Variants in NAALADL2 observed in about 807,000 individuals in gnomAD.
NAALADL2 encodes the protein inactive N-acetylated-alpha-linked acidic dipeptidase-like protein 2.
NAALADL2 carries 76 observed loss-of-function variants against 87.2 expected under a neutral mutation model. The observed-to-expected ratio is 0.87, with a 90% CI of 0.72 to 1.05. NAALADL2 has a LOEUF of 1.05. Among genes scored for constraint, NAALADL2 ranks in the 50% least tolerant of loss-of-function variants. The pLI, the probability that NAALADL2 is intolerant of heterozygous loss-of-function variation, is 0.00. For missense variants in NAALADL2, 1,089 were observed against 945.8 expected, an observed-to-expected ratio of 1.15 and a Z score of -1.99; for synonymous variants, 354 against 331.0, an observed-to-expected ratio of 1.07 and a Z score of -0.75.
chr3:175,070,725 GTGAATTACTTTGAA>G (rs1443457392), intron 1 of NAALADL2, among the ~76,000 whole-genome samples: 1 of 151,974 alleles, frequency 6.6e-6, no homozygotes, highest in Non-Finnish European at 1.5e-5. Flanking sequence ...AGAAAGCATG[GTGAATTACTTTGAA>G]TGAATTGCTT....
At chr3:175,428,952 T>C (rs1006182724) in intron 5 of NAALADL2, among the ~76,000 whole-genome samples, 2 of 152,064 alleles carry the variant, frequency 1.3e-5, no homozygotes, top group Non-Finnish European at 2.9e-5. Context: ...CAGTTTTGAT[T>C]GCTTGTGGTT....
intron 1 of NAALADL2, among the ~76,000 whole-genome samples, chr3:174,994,542 T>A (rs1322466531): frequency 6.6e-6 from 1 of 152,296 alleles, no homozygotes; most frequent in African/African-American, 2.4e-5. Context: ...CACTTAAATT[T>A]CCAAATTTTA....
At chr3:175,163,629 A>G (rs753962170) in intron 2 of NAALADL2, among the ~76,000 whole-genome samples, 1 of 152,142 alleles carries the variant, frequency 6.6e-6, no homozygotes, top group Non-Finnish European at 1.5e-5. Context: ...ACAACTATTC[A>G]TACATGACTA....
chr3:174,463,389 C>T (rs2108295742), intron 1 of NAALADL2, among the ~76,000 whole-genome samples: 1 of 152,194 alleles, frequency 6.6e-6, no homozygotes, highest in East Asian at 1.9e-4. Context: ...CCTTTATAGT[C>T]AAGCTTCACA....
At chr3:174,690,280 A>G (rs1160392705) in intron 2 of NAALADL2, among the ~76,000 whole-genome samples, 1 of 152,168 alleles carries the variant, frequency 6.6e-6, no homozygotes, top group African/African-American at 2.4e-5. Context: ...TTATTTTCCA[A>G]TGTATGATTT....
intron 2 of NAALADL2, among the ~76,000 whole-genome samples, chr3:174,611,591 G>A (rs535556419): frequency 1.8e-3 from 275 of 151,856 alleles, no homozygotes; most frequent in Non-Finnish European, 3.1e-3. Context: ...TTTCTTTTTT[G>A]TTTTCTTTTT....
At chr3:174,624,638 A>G (rs1721374961) in intron 2 of NAALADL2, among the ~76,000 whole-genome samples, 1 of 145,954 alleles carries the variant, frequency 6.9e-6, no homozygotes, top group Non-Finnish European at 1.5e-5. Flanking sequence ...AAAAAAAAAA[A>G]GTTGGCATCA....
intron 1 of NAALADL2, among the ~76,000 whole-genome samples, chr3:174,444,667 G>T (rs1051843047): frequency 4.6e-5 from 7 of 152,106 alleles, no homozygotes; most frequent in African/African-American, 1.7e-4. Context: ...CTACAGTAAC[G>T]TTCTAAGAAT....
chr3:175,210,609 G>T (rs1383661043), intron 2 of NAALADL2, among the ~76,000 whole-genome samples: 1 of 151,320 alleles, frequency 6.6e-6, no homozygotes, highest in Non-Finnish European at 1.5e-5. Flanking sequence ...GATGTGGTAG[G>T]CAGGAGGAAG....
chr3:174,720,444 A>T (rs1042814070), intron 2 of NAALADL2, among the ~76,000 whole-genome samples: 1 of 152,144 alleles, frequency 6.6e-6, no homozygotes, highest in Admixed American at 6.5e-5. Flanking sequence ...AGCTATATAG[A>T]GAGATATAGC....
intron 2 of NAALADL2, among the ~76,000 whole-genome samples, chr3:175,202,555 A>C (rs1197387793): frequency 2.0e-5 from 3 of 152,160 alleles, no homozygotes; most frequent in African/African-American, 7.2e-5. Flanking sequence ...CTAGACTCAA[A>C]GGGCATAGAG....
intron 11 of NAALADL2, among the ~76,000 whole-genome samples, chr3:175,714,282 T>C (rs1051432862): frequency 2.0e-5 from 3 of 152,180 alleles, no homozygotes; most frequent in African/African-American, 7.2e-5. Flanking sequence ...TATTTCTGGT[T>C]CTAGATCCTT....
At chr3:175,166,788 C>T (rs532471793) in intron 2 of NAALADL2, among the ~76,000 whole-genome samples, 2 of 152,182 alleles carry the variant, frequency 1.3e-5, no homozygotes, top group South Asian at 4.1e-4. Context: ...ACCTCTTGAA[C>T]TCTCTAAGCT....
chr3:175,183,643 T>C (rs1736928145), intron 2 of NAALADL2, among the ~76,000 whole-genome samples: 1 of 152,084 alleles, frequency 6.6e-6, no homozygotes, highest in South Asian at 2.1e-4. Flanking sequence ...TATAGGTTTG[T>C]GTGTATTAAA....
chr3:175,689,162 CAAAA>C (rs1736708489), intron 11 of NAALADL2, among the ~76,000 whole-genome samples: 1 of 151,780 alleles, frequency 6.6e-6, no homozygotes, highest in African/African-American at 2.4e-5. Flanking sequence ...TATTAGAAGA[CAAAA>C]GAATAAATTA....
intron 3 of NAALADL2, among the ~76,000 whole-genome samples, chr3:174,813,131 C>T (rs1440341842): frequency 6.6e-6 from 1 of 152,188 alleles, no homozygotes; most frequent in Admixed American, 6.5e-5. Context: ...AAGACCCATT[C>T]ATGTTATGTG....
At chr3:175,244,238 T>A (rs998355021) in intron 3 of NAALADL2, among the ~76,000 whole-genome samples, 9 of 152,198 alleles carry the variant, frequency 5.9e-5, no homozygotes, top group African/African-American at 2.2e-4. Context: ...GGAAAACTGA[T>A]AAAGTTGCGG....
chr3:174,670,770 T>C (rs1056194984), intron 2 of NAALADL2, among the ~76,000 whole-genome samples: 3 of 152,116 alleles, frequency 2.0e-5, no homozygotes, highest in Non-Finnish European at 4.4e-5. Flanking sequence ...TGTTTAGCAG[T>C]GAACTGATAC....
chr3:174,604,818 G>C (rs2108619289), intron 2 of NAALADL2, among the ~76,000 whole-genome samples: 1 of 151,366 alleles, frequency 6.6e-6, no homozygotes, highest in Admixed American at 6.6e-5. Flanking sequence ...GCCCAGGCTG[G>C]AGTGCAGTGG....
Sources: gnomAD v4.1 joint callset for allele counts (sites outside exome capture counted in the v4.1 genomes callset) on GRCh38, gnomAD v4.1.1 for gene constraint, MANE v1.5 for transcripts, NCBI Gene and HGNC (gene_info 2026-07-23, HGNC 2026-07-21) for gene names.